The following SAXO2 variants were observed in gnomAD, a reference collection of about 807,000 sequenced individuals.
SAXO2 encodes the protein stabilizer of axonemal microtubules 2.
Under a neutral mutation model 18.7 loss-of-function variants are expected in SAXO2, and 17 were observed. The observed-to-expected ratio is 0.91, with a 90% CI of 0.62 to 1.36. The LOEUF is 1.36. Ranked by LOEUF, SAXO2 falls within the 40% of genes most tolerant of loss-of-function variation. The pLI, the probability that SAXO2 is intolerant of heterozygous loss-of-function variation, is 0.00. For synonymous variants in SAXO2, 163 were observed against 181.2 expected, an observed-to-expected ratio of 0.90 and a Z score of 0.81; for missense variants, 486 against 562.6, an observed-to-expected ratio of 0.86 and a Z score of 1.38.
At chr15:82,265,457 T>C in intron 1 of SAXO2, 112 bp from the exon 2 acceptor site, 2 of 875,648 alleles carry the variant, frequency 2.3e-6, no homozygotes, top group Non-Finnish European at 3.0e-6. Flanking sequence ...TTTGGTTTTT[T>C]AGTAAAGCTC....
At chr15:82,271,530 T>A (rs1403058894) in intron 2 of SAXO2, 73 bp from the exon 3 acceptor site, 1 of 1,287,552 alleles carries the variant, frequency 7.8e-7, no homozygotes. Context: ...AGCCTTGACA[T>A]TTTCCATACT....
rs1035963195 is a variant in SAXO2, at chr15:82,283,687, G to C, written c.*625G>C. The C allele has an allele frequency of 1.3e-5, 2 of 152,270 alleles. No homozygotes were observed. Among genetic ancestry groups the C allele is most frequent in the African/African-American group, 4.8e-5 (2 of 41,454 alleles). The allele number at this position is 152,270 out of a possible 1,614,324, so 9.4% of individuals were successfully genotyped here. On this transcript the variant is annotated 3_prime_UTR_variant, in exon 4 of 4. Coordinates refer to ENST00000682753, the MANE Select transcript of SAXO2 (RefSeq NM_001348699.2). Reference sequence around the variant, plus strand: ...ACTAATAATTATTATTATTTTTAGAGACAGGGTCTCACTGTCACCCGTGCT... The same window carrying C: ...ACTAATAATTATTATTATTTTTAGACACAGGGTCTCACTGTCACCCGTGCT...
At chr15:82,263,487 T>C (rs2075163951) in intron 1 of SAXO2, 1 of 701,022 alleles carries the variant, frequency 1.4e-6, no homozygotes. Flanking sequence ...GAGTCCTGCC[T>C]AACAACCTTC....
intron 1 of SAXO2, among the ~76,000 whole-genome samples, chr15:82,265,319 T>C (rs1050302974): frequency 5.3e-5 from 8 of 152,160 alleles, no homozygotes; most frequent in Non-Finnish European, 8.8e-5. Flanking sequence ...TTTTTTTGTA[T>C]TTTTAGTAGA....
intron 2 of SAXO2, 77 bp from the exon 3 acceptor site, chr15:82,271,526 G>A (rs2075270630): frequency 2.4e-6 from 3 of 1,246,698 alleles, no homozygotes; most frequent in Non-Finnish European, 2.2e-6. Flanking sequence ...AAAAAGCCTT[G>A]ACATTTTCCA....
At chr15:82,271,569 T>A (rs183128223) in intron 2 of SAXO2, 34 bp from the exon 3 acceptor site, 2 of 1,521,028 alleles carry the variant, frequency 1.3e-6, no homozygotes, top group South Asian at 2.5e-5. Context: ...ATAAAAGAAC[T>A]TGTGAGGCTA....
intron 1 of SAXO2, 164 bp downstream of exon 1, chr15:82,263,096 T>TCCTCACCCGCC (rs2075153566): frequency 2.0e-6 from 3 of 1,497,798 alleles, no homozygotes; most frequent in Non-Finnish European, 2.7e-6. Context: ...GAATACTCGC[T>TCCTCACCCGCC]CCTCACCCGC....
chr15:82,271,133 G>A (rs1416932181), intron 2 of SAXO2, among the ~76,000 whole-genome samples: 2 of 152,172 alleles, frequency 1.3e-5, no homozygotes, highest in Non-Finnish European at 2.9e-5. Flanking sequence ...AACAATAAGC[G>A]AGAAAACAGC....
intron 3 of SAXO2, among the ~76,000 whole-genome samples, chr15:82,272,436 TGG>T (rs986171836): frequency 6.6e-6 from 1 of 152,174 alleles, no homozygotes; most frequent in Admixed American, 6.5e-5. Flanking sequence ...TCTGGGATGG[TGG>T]AAGGGTGAGA....
chr15:82,264,514 TTATATGA>T (rs1567086860), intron 1 of SAXO2, among the ~76,000 whole-genome samples: 1 of 152,188 alleles, frequency 6.6e-6, no homozygotes, highest in African/African-American at 2.4e-5. Context: ...TACTATTAGC[TTATATGA>T]TATATTGGTC....
chr15:82,273,720 A>T (rs1240282030), intron 3 of SAXO2, among the ~76,000 whole-genome samples: 2 of 151,970 alleles, frequency 1.3e-5, no homozygotes, highest in Non-Finnish European at 2.9e-5. Context: ...ATAATAATTG[A>T]TGAAAATGAA....
intron 2 of SAXO2, among the ~76,000 whole-genome samples, chr15:82,271,332 A>C (rs1200191327): frequency 6.6e-6 from 1 of 152,210 alleles, no homozygotes; most frequent in Non-Finnish European, 1.5e-5. Flanking sequence ...TATTTACTGA[A>C]GATCCGATTA....
At chr15:82,271,890 T>G (rs2141368902) in intron 3 of SAXO2, 88 bp downstream of exon 3, 1 of 1,184,466 alleles carries the variant, frequency 8.4e-7, no homozygotes, top group Non-Finnish European at 1.2e-6. Flanking sequence ...AACTTTGGTG[T>G]GCTGCCAAAC....
chr15:82,272,167 G>A (rs182761761), intron 3 of SAXO2: 24 of 213,150 alleles, frequency 1.1e-4, no homozygotes, highest in African/African-American at 3.3e-4. Flanking sequence ...AAACTCTACC[G>A]AGAGTATTGG....
At chr15:82,273,913 T>C (rs910731425) in intron 3 of SAXO2, among the ~76,000 whole-genome samples, 1 of 151,920 alleles carries the variant, frequency 6.6e-6, no homozygotes, top group Non-Finnish European at 1.5e-5. Context: ...AATTTTTGTA[T>C]TTTTGGTAGA....
chr15:82,282,687 T>G lies in SAXO2; in HGVS notation c.1002T>G (p.Ser334Arg). ...VPIRPVSQKR[S>R]NNFPFQGKSI... ...TCAGGCCAGTTTCTCAAAAAAGAAGTAACAATTTTCCTTTCCAAGGAAAAA... is the reference window on the plus strand; with the variant it reads ...TCAGGCCAGTTTCTCAAAAAAGAAGGAACAATTTTCCTTTCCAAGGAAAAA... Residue 334 changes from serine to arginine, a missense_variant, in exon 4 of 4, where the codon AGT becomes AGG. By Grantham distance (110) the Ser-to-Arg change is moderately radical. Transcript: ENST00000682753. 6.2e-7 allele frequency: 1 copy of G among 1,614,148 alleles called. No individual in the cohort carries two copies.
intron 2 of SAXO2, 110 bp downstream of exon 2, chr15:82,265,858 C>A (rs2075212085): frequency 1.0e-5 from 7 of 677,196 alleles, no homozygotes; most frequent in South Asian, 4.6e-5. Flanking sequence ...TAAGTTGAAC[C>A]AATCTAATAG....
intron 1 of SAXO2, chr15:82,263,398 C>G (rs1344423058): frequency 2.8e-6 from 2 of 722,024 alleles, no homozygotes. Flanking sequence ...CCATTCCCGT[C>G]CAGGCAGCAG....
Position 82,271,765 on chromosome 15 carries a change from TAAA to T in SAXO2, c.400_402del (p.Lys134del), listed in dbSNP as rs1009100360. The T allele has an allele frequency of 5.6e-6, 9 of 1,613,838 alleles. No homozygotes were observed. In the African/African-American group the frequency reaches 1.2e-4, roughly 22 times the overall value. ...TAGTCCGGCCTTTGGAGAGACAAGT[TAAA>T]AAAGGAAAATTGGACACTGTCCCAA... is the stretch of plus-strand genomic sequence containing the variant. On this transcript the variant is annotated inframe_deletion, in exon 3 of 4. Transcript: ENST00000682753.
Sources: gnomAD v4.1 joint callset for allele counts (sites outside exome capture counted in the v4.1 genomes callset) on GRCh38, gnomAD v4.1.1 for gene constraint, MANE v1.5 for transcripts, NCBI Gene and HGNC (gene_info 2026-07-23, HGNC 2026-07-21) for gene names.